The following SLC25A53 variants were observed in gnomAD, a reference collection of about 807,000 sequenced individuals.
SLC25A53 encodes mitochondrial carrier triple repeat protein 6.
SLC25A53 carries 5 observed loss-of-function variants against 15.0 expected under a neutral mutation model. The observed-to-expected ratio is 0.33, with a 90% CI of 0.17 to 0.70. The LOEUF is 0.70. SLC25A53 is among the 30% of genes least tolerant of loss of function. The probability of loss-of-function intolerance (pLI) is 0.67; values close to 1 mark genes in which losing one functional copy is unlikely to be tolerated. For synonymous variants in SLC25A53, 95 were observed against 100.0 expected, an observed-to-expected ratio of 0.95 and a Z score of 0.30; for missense variants, 216 against 241.6, an observed-to-expected ratio of 0.89 and a Z score of 0.70.
chrX:104,112,397 C>CGCCCGCCG (rs1380774399), intron 1 of SLC25A53: 11 of 114,055 alleles, frequency 9.6e-5, no homozygotes, highest in South Asian at 3.3e-4. Flanking sequence ...CCGCAGCCCC[C>CGCCCGCCG]GCCCGCCGGC....
chrX:104,114,780 T>A, intron 1 of SLC25A53: 2 of 1,211,449 alleles, frequency 1.7e-6, no homozygotes, highest in South Asian at 3.5e-5. Context: ...AGGATTGGGA[T>A]GATGCTTTTA....
intron 1 of SLC25A53, among the ~76,000 whole-genome samples, chrX:104,105,935 C>G (rs1729829123): frequency 8.9e-6 from 1 of 111,936 alleles, no homozygotes; most frequent in African/African-American, 3.3e-5. Flanking sequence ...CCTTTAAGAC[C>G]TGTAGCTATA....
In SLC25A53 at chrX:104,104,453, T is replaced by C. The variant is rs1204504634; in HGVS notation, c.805A>G (p.Ile269Val). The C allele has an allele frequency of 8.3e-7, 1 of 1,211,759 alleles. No individual in the cohort carries two copies. Among genetic ancestry groups the C allele is most frequent in the African/African-American group, 1.7e-5 (1 of 57,783 alleles). Residue 269 changes from isoleucine to valine, a missense_variant, in exon 2 of 2, where the codon ATC (isoleucine) becomes GTC (valine). By Grantham distance (29) the Ile-to-Val change is conservative. Transcript: ENST00000594199. Reference sequence around the variant, plus strand: ...ATGACTAGGGAGCCTCCACGGTAGATCAGGAGCAGCTTTCGGCCCCGAGTG... The same window carrying C: ...ATGACTAGGGAGCCTCCACGGTAGACCAGGAGCAGCTTTCGGCCCCGAGTG... ...WNTRGRKLLL[I>V]YRGGSLVILR...
intron 1 of SLC25A53, chrX:104,131,083 G>A (rs1286698102): frequency 9.0e-6 from 1 of 111,625 alleles, no homozygotes; most frequent in Non-Finnish European, 1.9e-5. Context: ...GGACCAAAAT[G>A]ACTTCCGTCA....
Position 104,104,752 on chromosome X carries a change from C to T in SLC25A53, c.506G>A (p.Arg169Gln), listed in dbSNP as rs375132082. The T allele has an allele frequency of 6.7e-5, 81 of 1,209,528 alleles. No homozygotes were observed. The Middle Eastern group carries it at 6.9e-4, about 10-fold the overall frequency. ...ACCACGATAGTAGCCCAGTGACAGC[C>T]GCCCCCAAAGCCCATAAGAATTGAA... ...KEFNSYGLWG[R>Q]LSLGYYRGFW... Residue 169 changes from arginine (R) to glutamine (Q), a missense_variant, in exon 2 of 2, where the codon CGG becomes CAG. By Grantham distance (43) the Arg-to-Gln change is conservative. Coordinates refer to ENST00000594199, the MANE Select transcript of SLC25A53 (RefSeq NM_001012755.5).
chrX:104,121,343 T>C (rs903726334), intron 1 of SLC25A53, among the ~76,000 whole-genome samples: 2 of 112,458 alleles, frequency 1.8e-5, no homozygotes, highest in Non-Finnish European at 3.8e-5. Context: ...CATTACCTTG[T>C]TTCCTTGTTT....
Position 104,154,960 on chromosome X carries a change from T to C in SLC25A53, c.-32+1918A>G, listed in dbSNP as rs182468225. ...GTTATTTACCTTGATTTAATCATTCTACATTGTATATATATAAAATACCAC... is the reference window on the plus strand; with the variant it reads ...GTTATTTACCTTGATTTAATCATTCCACATTGTATATATATAAAATACCAC... On this transcript the variant is annotated intron_variant, in intron 1 of 1. Transcript: ENST00000594199. Among the ~76,000 whole-genome samples the C allele has an allele frequency of 6.9e-4, 78 of 112,345 alleles. 1 individual carries two copies. Among genetic ancestry groups the C allele is most frequent in the Non-Finnish European group, 1.3e-3 (69 of 53,257 alleles).
Position 104,099,788 on chromosome X carries a change from C to T in SLC25A53, c.*4546G>A, listed in dbSNP as rs1280667655. ...GAGAAGAGTAGGTTATTAAAGGGCT[C>T]TATTTCTTGCTCTGGCTGGTTATTA... On this transcript the variant is annotated 3_prime_UTR_variant, in exon 2 of 2. Transcript: ENST00000594199. 1 of 111,714 alleles carries T rather than the reference C, an allele frequency of 9.0e-6. No individual in the cohort carries two copies. The highest frequency in any genetic ancestry group is 1.9e-5 in the Non-Finnish European group (1 of 53,135). 9.2% of individuals were successfully genotyped at this position (111,714 alleles called of 1,213,427 possible). A position where few individuals can be genotyped will look rare whatever the true frequency, so the allele number is the denominator to read the frequency against.
At chrX:104,155,501 T>TA (rs782677585) in intron 1 of SLC25A53, among the ~76,000 whole-genome samples, 25 of 111,691 alleles carry the variant, frequency 2.2e-4, no homozygotes, top group Non-Finnish European at 4.3e-4. Context: ...GCCACTGACT[T>TA]AGACTGCTAT....
rs2075371789 is a variant in SLC25A53 at position 104,115,185 on chromosome X, AAAAG to A, written c.-31-9901_-31-9898del. On this transcript the variant is annotated intron_variant, in intron 1 of 1. Transcript: ENST00000594199. ...CATATTGTGGGGAGGAGGGCCACTC[AAAAG>A]AAACCTGTGACAATGAGAGCAACAA... The A allele has an allele frequency of 4.1e-6, 5 of 1,210,088 alleles. No individual in the cohort carries two copies. In the East Asian group the frequency reaches 1.5e-4, roughly 36 times the overall value.
intron 1 of SLC25A53, chrX:104,112,971 T>A (rs1178959212): frequency 1.0e-5 from 1 of 98,872 alleles, no homozygotes; most frequent in Non-Finnish European, 2.0e-5. Flanking sequence ...TGCTGCCGAC[T>A]GGATAGGATT....
At chrX:104,147,830 G>A (rs1249087329) in intron 1 of SLC25A53, among the ~76,000 whole-genome samples, 1 of 109,525 alleles carries the variant, frequency 9.1e-6, no homozygotes, top group South Asian at 3.9e-4. Context: ...TGGAGAAATA[G>A]GAACACTTTT....
chrX:104,114,684 G>A, intron 1 of SLC25A53: 1 of 1,212,034 alleles, frequency 8.3e-7, no homozygotes, highest in Non-Finnish European at 1.1e-6. Context: ...TGCGCTTCAG[G>A]CTTAAGCATC....
intron 1 of SLC25A53, among the ~76,000 whole-genome samples, chrX:104,119,496 G>A (rs2075387125): frequency 9.0e-6 from 1 of 111,450 alleles, no homozygotes; most frequent in Non-Finnish European, 1.9e-5. Flanking sequence ...GGCAGGGCTG[G>A]CAACAAATAA....
chrX:104,149,047 G>T (rs1246400098), intron 1 of SLC25A53, among the ~76,000 whole-genome samples: 1 of 111,827 alleles, frequency 8.9e-6, no homozygotes, highest in Non-Finnish European at 1.9e-5. Context: ...TAGCATAATG[G>T]ATAAATTATC....
rs1394528340 is a variant in SLC25A53 at position 104,156,935 on chromosome X, A to G, written c.-89T>C. The G allele has an allele frequency of 2.7e-5, 3 of 111,733 alleles. No individual in the cohort carries two copies. Among genetic ancestry groups the G allele is most frequent in the Non-Finnish European group, 3.8e-5 (2 of 53,141 alleles). The allele number at this position is 111,733 out of a possible 1,213,427, so 9.2% of individuals were successfully genotyped here. On this transcript the variant is annotated 5_prime_UTR_variant, in exon 1 of 2. Transcript: ENST00000594199. ...ACGGCCCCTTTCCTGTGGCCTCAGA[A>G]AGCAGCGACAGTCGCAGTCACCGGA...
chrX:104,153,970 C>T (rs973416609), intron 1 of SLC25A53, among the ~76,000 whole-genome samples: 1 of 112,041 alleles, frequency 8.9e-6, no homozygotes, highest in African/African-American at 3.2e-5. Context: ...GCTCAAATAA[C>T]AAAAGCAAAA....
intron 1 of SLC25A53, among the ~76,000 whole-genome samples, chrX:104,147,513 A>T (rs2075471553): frequency 9.5e-6 from 1 of 105,572 alleles, no homozygotes; most frequent in Admixed American, 1.0e-4. Flanking sequence ...GTGAACAGGC[A>T]ACCTACAAAA....
At position 104,136,037 on chromosome X, in the gene SLC25A53, T is replaced by C. The variant is rs2075435715; in HGVS notation, c.-32+20841A>G. On this transcript the variant is annotated intron_variant, in intron 1 of 1. Coordinates refer to ENST00000594199, the MANE Select transcript of SLC25A53 (RefSeq NM_001012755.5). ...ACTTTGATTAACTAGAGAATTTTAT[T>C]TGAATACTGAAAAGATGCCCTTCTC... is the stretch of plus-strand genomic sequence containing the variant. 2.7e-5 allele frequency among the ~76,000 whole-genome samples: 3 copies of C among 111,206 alleles called. No individual in the cohort carries two copies. In the South Asian group the frequency reaches 1.1e-3, roughly 42 times the overall value.
Sources: allele counts gnomAD v4.1 joint callset (sites outside exome capture counted in the v4.1 genomes callset), GRCh38; gene constraint gnomAD v4.1.1; transcripts MANE v1.5; gene names NCBI Gene and HGNC (gene_info 2026-07-23, HGNC 2026-07-21).